Variants in CACNA1A observed in about 807,000 individuals in gnomAD.
CACNA1A encodes the protein calcium voltage-gated channel subunit alpha1 A, also known as voltage-dependent P/Q-type calcium channel subunit alpha-1A.
CACNA1A carries 57 observed loss-of-function variants against 262.4 expected under a neutral mutation model. That is an observed-to-expected ratio of 0.22 (90% CI 0.18 to 0.27). The LOEUF (loss-of-function observed/expected upper bound fraction) is 0.27. Ranked by LOEUF, CACNA1A falls within the 10% of genes least tolerant of loss-of-function variation. CACNA1A has a pLI of 1.00. For missense variants in CACNA1A, 2,526 were observed against 3,562.8 expected (o/e 0.71, Z 7.41); for synonymous variants, 1,431 against 1,419.3 (o/e 1.01, Z -0.18).
intron 1 of CACNA1A, among the ~76,000 whole-genome samples, chr19:13,459,410 C>T (rs552886870): frequency 2.0e-5 from 3 of 152,310 alleles, no homozygotes; most frequent in African/African-American, 7.2e-5. Context: ...CAGCTTCAGC[C>T]TTTGCCTCCA....
chr19:13,368,702 G>C (rs1470406897), intron 4 of CACNA1A, among the ~76,000 whole-genome samples: 1 of 152,190 alleles, frequency 6.6e-6, no homozygotes, highest in Non-Finnish European at 1.5e-5. Context: ...GAAGCTGTCA[G>C]GATAGCTCGA....
chr19:13,497,919 T>C (rs968524025), intron 1 of CACNA1A, among the ~76,000 whole-genome samples: 1 of 151,766 alleles, frequency 6.6e-6, no homozygotes, highest in African/African-American at 2.4e-5. Context: ...GGAGCTGAGA[T>C]TTGCAGCCAG....
chr19:13,404,987 C>T (rs1474910078), intron 3 of CACNA1A, among the ~76,000 whole-genome samples: 1 of 151,006 alleles, frequency 6.6e-6, no homozygotes, highest in Non-Finnish European at 1.5e-5. Flanking sequence ...ACTTCCACCT[C>T]CCGGGTTCAA....
chr19:13,325,742 C>G (rs1039955587), intron 10 of CACNA1A, among the ~76,000 whole-genome samples: 7 of 152,040 alleles, frequency 4.6e-5, no homozygotes, highest in Non-Finnish European at 8.8e-5. Context: ...TGTTATTTTT[C>G]TTTTTAAAGT....
At chr19:13,372,830 C>G (rs1168737153) in intron 3 of CACNA1A, among the ~76,000 whole-genome samples, 1 of 152,204 alleles carries the variant, frequency 6.6e-6, no homozygotes, top group African/African-American at 2.4e-5. Context: ...GACCCCAAGC[C>G]TCTGGTCAAA....
rs562370827 is a variant in CACNA1A, at chr19:13,335,608, C to T, written c.1082+198G>A. On this transcript the variant is annotated intron_variant, in intron 7 of 46. Coordinates refer to ENST00000360228, the MANE Select transcript of CACNA1A (RefSeq NM_001127222.2). ...GTAAAGAAAGTAAAGCCCATATGAACCCTCTCACTGGGTACCCCTAGCAGT... is the reference window on the plus strand; with the variant it reads ...GTAAAGAAAGTAAAGCCCATATGAATCCTCTCACTGGGTACCCCTAGCAGT... 3.3e-5 allele frequency among the ~76,000 whole-genome samples: 5 copies of T among 152,228 alleles called. No homozygotes were observed. The South Asian group carries it at 1.0e-3, about 32-fold the overall frequency.
Position 13,365,339 on chromosome 19 carries a change from G to A in CACNA1A, c.762C>T (p.Thr254=). Residue 254 remains threonine, a synonymous_variant, in exon 5 of 47, where the codon ACC becomes ACT. Transcript: ENST00000360228. ...GLEFYMGKFH[T]TCFEEGTDDI... ...TACCTGTCCCCTCTTCAAAGCAGGTGGTATGAAATTTTCCCATATAAAATT... is the reference window on the plus strand; with the variant it reads ...TACCTGTCCCCTCTTCAAAGCAGGTAGTATGAAATTTTCCCATATAAAATT... The A allele has an allele frequency of 6.2e-7, 1 of 1,613,188 alleles. No homozygotes were observed. The highest frequency in any genetic ancestry group is 8.5e-7 in the Non-Finnish European group (1 of 1,179,378).
At chr19:13,230,810 G>GA (rs796204286) in intron 35 of CACNA1A, among the ~76,000 whole-genome samples, 2,213 of 123,340 alleles carry the variant, frequency 0.018, 38 homozygotes, top group African/African-American at 0.047. Flanking sequence ...CCATTTCAAA[G>GA]AAAAAAAAAA....
In CACNA1A at chr19:13,209,333, G is replaced by A. The variant is rs375354077; in HGVS notation, c.6505C>T (p.Arg2169Cys). ...SHRASERSLG[R>C]YTDVDTGLGT... The stretch of plus-strand genomic sequence containing the variant: ...CCACCTGTGTCCACATCGGTGTAGC[G>A]GCCCAGGGAGCGCTCAGAGGCGCGG... The change falls in exon 45 of 47, where the codon CGC becomes TGC. Residue 2169 changes from arginine to cysteine, a missense_variant. Physicochemically the swap from Arg to Cys is radical, Grantham distance 180 (BLOSUM62 -3). Around this residue, in one of 17 missense-constraint regions of CACNA1A, gnomAD observed 929 missense variants for 868.1 expected, o/e 1.07. Coordinates refer to ENST00000360228, the MANE Select transcript of CACNA1A (RefSeq NM_001127222.2). The A allele has an allele frequency of 4.0e-5, 56 of 1,393,218 alleles. No homozygotes were observed. In the African/African-American group the frequency reaches 5.9e-4, roughly 15 times the overall value. 86.3% of individuals were successfully genotyped at this position (1,393,218 alleles called of 1,614,324 possible).
At chr19:13,496,080 CCAT>C (rs1981492134) in intron 1 of CACNA1A, among the ~76,000 whole-genome samples, 1 of 118,662 alleles carries the variant, frequency 8.4e-6, no homozygotes, top group African/African-American at 5.7e-5. Flanking sequence ...ATCCATCCAT[CCAT>C]CCATCCACCC....
chr19:13,381,869 G>A (rs1347291725), intron 3 of CACNA1A, among the ~76,000 whole-genome samples: 8 of 152,196 alleles, frequency 5.3e-5, no homozygotes, highest in Non-Finnish European at 1.2e-4. Flanking sequence ...ATGGTGCAGG[G>A]CTTTGTGGGT....
At chr19:13,282,312 T>C (rs776987938) in intron 22 of CACNA1A, among the ~76,000 whole-genome samples, 33 of 142,334 alleles carry the variant, frequency 2.3e-4, no homozygotes, top group Non-Finnish European at 3.8e-4. Flanking sequence ...TTTTTGGCTC[T>C]GGGTTGGGAG....
intron 1 of CACNA1A, among the ~76,000 whole-genome samples, chr19:13,465,095 A>T (rs1373711761): frequency 6.6e-6 from 1 of 150,726 alleles, no homozygotes; most frequent in Non-Finnish European, 1.5e-5. Flanking sequence ...TACCTGGCTA[A>T]TTTTTTGTAT....
At chr19:13,484,791 C>T (rs1979780669) in intron 1 of CACNA1A, among the ~76,000 whole-genome samples, 1 of 152,188 alleles carries the variant, frequency 6.6e-6, no homozygotes, top group Non-Finnish European at 1.5e-5. Flanking sequence ...TCTTTTCCAC[C>T]ATTCCCACCC....
chr19:13,346,160 C>T (rs1355694306), intron 6 of CACNA1A, among the ~76,000 whole-genome samples: 2 of 152,166 alleles, frequency 1.3e-5, no homozygotes, highest in Admixed American at 6.6e-5. Context: ...CCTTGGCCTC[C>T]CAAAGTGCTG....
At chr19:13,309,585 TAGG>T (rs1230755670) in intron 12 of CACNA1A, among the ~76,000 whole-genome samples, 2 of 151,340 alleles carry the variant, frequency 1.3e-5, no homozygotes, top group Non-Finnish European at 2.9e-5. Flanking sequence ...CCCAGCTACT[TAGG>T]AGGCTGAGGA....
intron 30 of CACNA1A, among the ~76,000 whole-genome samples, chr19:13,246,650 G>C (rs2056242757): frequency 2.0e-5 from 3 of 151,692 alleles, no homozygotes; most frequent in East Asian, 3.9e-4. Context: ...TTTTGAGACA[G>C]AGTCTCACTC....
chr19:13,471,322 C>T (rs1446613452), intron 1 of CACNA1A, among the ~76,000 whole-genome samples: 1 of 152,152 alleles, frequency 6.6e-6, no homozygotes, highest in Non-Finnish European at 1.5e-5. Flanking sequence ...CCAAACTCTT[C>T]CATTCCCTCC....
Position 13,506,475 on chromosome 19 carries a change from CG to C in CACNA1A, c.-252del, listed in dbSNP as rs1346253621. ...CTCGGGACATCTTCCTGGCTGACCC[CG>C]GAGAAGGAGGGGCGGGAGGAGGGTG... is the stretch of plus-strand genomic sequence containing the variant. On this transcript the variant is annotated 5_prime_UTR_variant, in exon 1 of 47. Transcript: ENST00000360228. 1 of 150,234 alleles carries C rather than the reference CG, an allele frequency of 6.7e-6. No homozygotes were observed. Among genetic ancestry groups the C allele is most frequent in the East Asian group, 1.4e-4 (1 of 7,164 alleles). 9.3% of individuals were successfully genotyped at this position (150,234 alleles called of 1,614,324 possible).
Sources: gnomAD v4.1 joint callset for allele counts (sites outside exome capture counted in the v4.1 genomes callset) on GRCh38, gnomAD v4.1.1 for gene constraint, gnomAD v4.1.1 regional missense constraint, MANE v1.5 for transcripts, NCBI Gene and HGNC (gene_info 2026-07-23, HGNC 2026-07-21) for gene names.